The following GPRC6A variants were observed in gnomAD, a reference collection of about 807,000 sequenced individuals.
GPRC6A encodes G protein-coupled receptor class C group 6 member A, also known as G protein-coupled receptor family C group 6 member A.
Under a neutral mutation model 47.0 loss-of-function variants are expected in GPRC6A, and 54 were observed. That is an observed-to-expected ratio of 1.15 (90% CI 0.92 to 1.44). The LOEUF (loss-of-function observed/expected upper bound fraction) is 1.44. Ranked by LOEUF, GPRC6A falls within the 40% of genes most tolerant of loss-of-function variation. The pLI, the probability that GPRC6A is intolerant of heterozygous loss-of-function variation, is 0.00. For synonymous variants in GPRC6A, 347 were observed against 377.1 expected (o/e 0.92, Z 0.93); for missense variants, 1,112 against 1,105.5 (o/e 1.01, Z -0.08).
At chr6:116,807,451 G>A (rs1246645105) in intron 2 of GPRC6A, among the ~76,000 whole-genome samples, 2 of 152,038 alleles carry the variant, frequency 1.3e-5, no homozygotes, top group African/African-American at 2.4e-5. Context: ...CCATTTACAC[G>A]TCTATATTCT....
At position 116,818,391 on chromosome 6, in the gene GPRC6A, G is replaced by A. The variant is rs539969151; in HGVS notation, c.195-8774C>T. On this transcript the variant is annotated intron_variant, in intron 1 of 5. Transcript: ENST00000310357. ...CTACTAAAAATACAAAAAATTAGCC[G>A]GGCGTAGTGGCGGGCGCCTGTAGTC... is the stretch of plus-strand genomic sequence containing the variant. Among the ~76,000 whole-genome samples, 467 of 147,662 alleles carry A rather than the reference G, an allele frequency of 3.2e-3. 3 individuals carry two copies. Among genetic ancestry groups the A allele is most frequent in the African/African-American group, 0.011 (425 of 40,448 alleles).
chr6:116,805,980 C>G (rs1368457204), intron 3 of GPRC6A, among the ~76,000 whole-genome samples: 1 of 152,024 alleles, frequency 6.6e-6, no homozygotes, highest in Non-Finnish European at 1.5e-5. Flanking sequence ...TTCTGGTACT[C>G]CCCAGCTTTA....
chr6:116,813,585 T>C (rs1452662340), intron 1 of GPRC6A, among the ~76,000 whole-genome samples: 1 of 152,160 alleles, frequency 6.6e-6, no homozygotes, highest in Non-Finnish European at 1.5e-5. Flanking sequence ...ATCCCTTCCT[T>C]ACACCTTATA....
intron 1 of GPRC6A, among the ~76,000 whole-genome samples, chr6:116,813,390 G>A (rs886404511): frequency 1.3e-5 from 2 of 152,102 alleles, no homozygotes; most frequent in East Asian, 3.9e-4. Flanking sequence ...AAACAGCATG[G>A]TACTGGTACC....
intron 1 of GPRC6A, among the ~76,000 whole-genome samples, chr6:116,826,287 C>A (rs182409621): frequency 2.4e-4 from 36 of 151,934 alleles, no homozygotes; most frequent in Admixed American, 2.3e-3. Context: ...GCAGACTATT[C>A]ATCCAACAAC....
chr6:116,812,760 C>A (rs1773069143), intron 1 of GPRC6A, among the ~76,000 whole-genome samples: 1 of 152,022 alleles, frequency 6.6e-6, no homozygotes, highest in African/African-American at 2.4e-5. Flanking sequence ...CTGGCCAGGG[C>A]AATCAGGCAA....
intron 1 of GPRC6A, among the ~76,000 whole-genome samples, chr6:116,827,635 CTA>C (rs1398704424): frequency 2.0e-5 from 3 of 152,010 alleles, no homozygotes; most frequent in Non-Finnish European, 4.4e-5. Context: ...GGTCAAATAA[CTA>C]TTTAGTGTTT....
intron 3 of GPRC6A, among the ~76,000 whole-genome samples, chr6:116,805,813 C>T (rs1429200742): frequency 2.6e-5 from 4 of 151,920 alleles, no homozygotes; most frequent in Non-Finnish European, 5.9e-5. Context: ...TATACATATA[C>T]ACATAAAGAC....
intron 1 of GPRC6A, among the ~76,000 whole-genome samples, chr6:116,812,536 AAAAC>A (rs1392532306): frequency 1.4e-4 from 21 of 152,234 alleles, no homozygotes; most frequent in Non-Finnish European, 2.6e-4. Flanking sequence ...TAGAATATAT[AAAAC>A]AAACGGTAAG....
chr6:116,800,380 C>CCT (rs763028602), intron 4 of GPRC6A, among the ~76,000 whole-genome samples: 6 of 145,854 alleles, frequency 4.1e-5, no homozygotes, highest in East Asian at 2.0e-4. Flanking sequence ...TCCCTCCCTC[C>CCT]CTCTCTCTCT....
chr6:116,818,532 T>TAAAAAAA (rs35974500), intron 1 of GPRC6A, among the ~76,000 whole-genome samples: 1 of 15,504 alleles, frequency 6.4e-5, no homozygotes, highest in East Asian at 1.1e-3. Context: ...AGACTCCGTC[T>TAAAAAAA]AAAAAAAAAA....
chr6:116,814,661 G>A (rs1041132875), intron 1 of GPRC6A, among the ~76,000 whole-genome samples: 1 of 152,048 alleles, frequency 6.6e-6, no homozygotes, highest in African/African-American at 2.4e-5. Flanking sequence ...TAAATGATGA[G>A]TTCGTGGGTG....
At chr6:116,814,684 A>G in intron 1 of GPRC6A, among the ~76,000 whole-genome samples, 1 of 152,134 alleles carries the variant, frequency 6.6e-6, no homozygotes. Flanking sequence ...GCAAACCAAC[A>G]TGGCTCATGT....
intron 4 of GPRC6A, among the ~76,000 whole-genome samples, chr6:116,797,152 C>A (rs1004920025): frequency 6.6e-6 from 1 of 151,690 alleles, no homozygotes; most frequent in African/African-American, 2.4e-5. Flanking sequence ...TTTGTTCTTG[C>A]GATAGTTTAC....
chr6:116,822,001 A>C (rs551089347), intron 1 of GPRC6A, among the ~76,000 whole-genome samples: 70 of 145,274 alleles, frequency 4.8e-4, no homozygotes, highest in African/African-American at 1.7e-3. Flanking sequence ...AATGAACTCA[A>C]ACAAATTTAC....
At chr6:116,794,966 C>T (rs922610208) in intron 5 of GPRC6A, among the ~76,000 whole-genome samples, 6 of 152,098 alleles carry the variant, frequency 3.9e-5, no homozygotes, top group East Asian at 1.9e-4. Context: ...ATTCCAGTTC[C>T]GGAGTTCTCA....
chr6:116,804,596 C>G (rs1244142331), intron 3 of GPRC6A, among the ~76,000 whole-genome samples: 2 of 151,994 alleles, frequency 1.3e-5, no homozygotes, highest in African/African-American at 4.8e-5. Context: ...TTCTTCCTTT[C>G]TAATCTGTTT....
chr6:116,822,642 A>G (rs1361654986), intron 1 of GPRC6A, among the ~76,000 whole-genome samples: 1 of 146,388 alleles, frequency 6.8e-6, no homozygotes, highest in Non-Finnish European at 1.5e-5. Context: ...ATTCTCACTT[A>G]TAGGTGGGAA....
At chr6:116,809,204 G>A in intron 2 of GPRC6A, 110 bp downstream of exon 2, 1 of 801,892 alleles carries the variant, frequency 1.2e-6, no homozygotes, top group East Asian at 2.5e-5. Flanking sequence ...TAAAGAGAAA[G>A]AAAAGTTAAA....
Sources: gnomAD v4.1 joint callset for allele counts (sites outside exome capture counted in the v4.1 genomes callset) on GRCh38, gnomAD v4.1.1 for gene constraint, MANE v1.5 for transcripts, NCBI Gene and HGNC (gene_info 2026-07-23, HGNC 2026-07-21) for gene names.